MAP3K1: variants seen among roughly 807,000 people sequenced by gnomAD.
The protein encoded by MAP3K1 is MAP/ERK kinase kinase 1.
In MAP3K1, 36 loss-of-function variants were observed where a neutral mutation model predicts 144.2. The observed-to-expected ratio is 0.25, with a 90% CI of 0.19 to 0.33. The LOEUF (loss-of-function observed/expected upper bound fraction) is 0.33. Ranked by LOEUF, MAP3K1 falls within the 10% of genes least tolerant of loss-of-function variation. The probability of loss-of-function intolerance (pLI) is 1.00; values close to 1 mark genes in which losing one functional copy is unlikely to be tolerated. For missense variants in MAP3K1, 1,650 were observed against 1,881.9 expected, an observed-to-expected ratio of 0.88 and a Z score of 2.28; for synonymous variants, 718 against 688.7, an observed-to-expected ratio of 1.04 and a Z score of -0.67.
chr5:56,825,441 G>C (rs1265188355), intron 1 of MAP3K1, among the ~76,000 whole-genome samples: 2 of 152,206 alleles, frequency 1.3e-5, no homozygotes, highest in Non-Finnish European at 2.9e-5. Context: ...CATTGATACT[G>C]TGGTGCCTAA....
At chr5:56,817,222 G>GT (rs1195709246) in intron 1 of MAP3K1, 3 of 457,834 alleles carry the variant, frequency 6.6e-6, no homozygotes, top group Non-Finnish European at 8.6e-6. Flanking sequence ...TTGTTTGTTT[G>GT]TTTTTTAAAA....
intron 4 of MAP3K1, 80 bp downstream of exon 4, chr5:56,865,014 A>G: frequency 8.1e-7 from 1 of 1,238,568 alleles, no homozygotes; most frequent in South Asian, 1.3e-5. Flanking sequence ...AATGTTCTTA[A>G]ATTTAGATCA....
At chr5:56,841,507 A>G (rs1239659462) in intron 1 of MAP3K1, among the ~76,000 whole-genome samples, 1 of 152,186 alleles carries the variant, frequency 6.6e-6, no homozygotes, top group Admixed American at 6.5e-5. Context: ...ACCTTAAGAA[A>G]GGATTTTCAC....
Position 56,887,819 on chromosome 5 carries a change from A to T in MAP3K1, c.4257+299A>T, listed in dbSNP as rs556133798. The T allele has an allele frequency of 1.5e-3, 691 of 447,542 alleles. 1 individual carries two copies. The highest frequency in any genetic ancestry group is 0.012 in the Middle Eastern group (18 of 1,540). The allele number at this position is 447,542 out of a possible 1,614,324, so 27.7% of individuals were successfully genotyped here. The stretch of plus-strand genomic sequence containing the variant: ...CTCAAAGTGCACATAAGAAATTTTT[A>T]AAAATATTCTCTCTCTATTCTAAAA... On this transcript the variant is annotated intron_variant, in intron 18 of 19. Transcript: ENST00000399503.
At chr5:56,816,521 C>T (rs926519637) in intron 1 of MAP3K1, among the ~76,000 whole-genome samples, 1 of 151,964 alleles carries the variant, frequency 6.6e-6, no homozygotes, top group African/African-American at 2.4e-5. Context: ...GTGAGAAGCC[C>T]GAGGTCGGGT....
Position 56,877,520 on chromosome 5 carries a change from A to AT in MAP3K1, c.1966-1443dup, listed in dbSNP as rs35084924. Among the ~76,000 whole-genome samples the AT allele has an allele frequency of 8.0e-4, 109 of 136,444 alleles. 2 individuals carry two copies. Among genetic ancestry groups the AT allele is most frequent in the South Asian group, 4.5e-3 (19 of 4,256 alleles). 89.5% of individuals were successfully genotyped at this position (136,444 alleles called of 152,430 possible). A position where few individuals can be genotyped will look rare whatever the true frequency, so the allele number is the denominator to read the frequency against. ...TCCTCTCCCTCCCTCTGCATATATA[A>AT]TTTTTTTTTTTTTTTTTGCTGAATC... On this transcript the variant is annotated intron_variant, in intron 10 of 19. Transcript: ENST00000399503.
intron 1 of MAP3K1, among the ~76,000 whole-genome samples, chr5:56,840,588 C>A (rs566737883): frequency 6.6e-6 from 1 of 152,154 alleles, no homozygotes; most frequent in East Asian, 1.9e-4. Context: ...ATATTGTATC[C>A]CAGCTTTTCT....
rs576555781 is a variant in MAP3K1, at chr5:56,847,104, AC to A, written c.483-9494del. On this transcript the variant is annotated intron_variant, in intron 1 of 19. Coordinates refer to ENST00000399503, the MANE Select transcript of MAP3K1 (RefSeq NM_005921.2). The stretch of plus-strand genomic sequence containing the variant: ...CAGGTGTAAAGAGATGATTTAGAAA[AC>A]CTTTTTGCATTTTATCTTTTTCTTA... Among the ~76,000 whole-genome samples the A allele has an allele frequency of 5.9e-5, 9 of 152,136 alleles. No homozygotes were observed. In the South Asian group the frequency reaches 1.9e-3, roughly 32 times the overall value.
At position 56,832,196 on chromosome 5, in the gene MAP3K1, T is replaced by C. The variant is rs536203116; in HGVS notation, c.482+16141T>C. On this transcript the variant is annotated intron_variant, in intron 1 of 19. Coordinates refer to ENST00000399503, the MANE Select transcript of MAP3K1 (RefSeq NM_005921.2). Reference sequence around the variant, plus strand: ...AAATGAGATGATGAATATAAAAACCTACCCTTTCAGAAGGGTAAAAATAAA... The same window carrying C: ...AAATGAGATGATGAATATAAAAACCCACCCTTTCAGAAGGGTAAAAATAAA... Among the ~76,000 whole-genome samples, 3 of 152,354 alleles carry C rather than the reference T, an allele frequency of 2.0e-5. No individual in the cohort carries two copies. In the East Asian group the frequency reaches 5.8e-4, roughly 29 times the overall value.
chr5:56,826,181 GGTTTTGTTT>G (rs1236290238), intron 1 of MAP3K1, among the ~76,000 whole-genome samples: 1 of 151,500 alleles, frequency 6.6e-6, no homozygotes, highest in African/African-American at 2.4e-5. Flanking sequence ...TCCGTGGTGA[GGTTTTGTTT>G]GTTTTGTTTT....
chr5:56,839,509 G>A (rs771914201), intron 1 of MAP3K1, among the ~76,000 whole-genome samples: 8 of 152,214 alleles, frequency 5.3e-5, no homozygotes, highest in Non-Finnish European at 1.2e-4. Flanking sequence ...TTAACCAATG[G>A]TTAGTTGCCT....
At chr5:56,855,274 A>G (rs1237539314) in intron 1 of MAP3K1, among the ~76,000 whole-genome samples, 2 of 152,132 alleles carry the variant, frequency 1.3e-5, no homozygotes, top group Non-Finnish European at 2.9e-5. Flanking sequence ...CCAAGCACAT[A>G]TAAGTAAATT....
At chr5:56,820,016 C>G (rs1746105854) in intron 1 of MAP3K1, among the ~76,000 whole-genome samples, 1 of 152,112 alleles carries the variant, frequency 6.6e-6, no homozygotes, top group South Asian at 2.1e-4. Context: ...GTCAGATACT[C>G]TTTTCAGTTT....
chr5:56,823,755 T>A (rs1746224433), intron 1 of MAP3K1, among the ~76,000 whole-genome samples: 1 of 152,204 alleles, frequency 6.6e-6, no homozygotes, highest in Non-Finnish European at 1.5e-5. Flanking sequence ...ACGTGCCTGG[T>A]GGCTCGAGTG....
chr5:56,822,584 A>G (rs923815636), intron 1 of MAP3K1, among the ~76,000 whole-genome samples: 1 of 152,170 alleles, frequency 6.6e-6, no homozygotes, highest in Non-Finnish European at 1.5e-5. Flanking sequence ...CATTCTCTTG[A>G]ACATTGATAC....
At chr5:56,881,546 G>A in intron 13 of MAP3K1, 24 bp from the exon 14 acceptor site, 1 of 1,548,902 alleles carries the variant, frequency 6.5e-7, no homozygotes, top group Admixed American at 1.7e-5. Flanking sequence ...AACTTATATG[G>A]TAATGAATGT....
intron 1 of MAP3K1, among the ~76,000 whole-genome samples, chr5:56,819,555 G>T (rs1398677569): frequency 6.6e-6 from 1 of 152,164 alleles, no homozygotes; most frequent in Middle Eastern, 3.2e-3. Context: ...ATGGGGAATG[G>T]ATTACCATGA....
intron 1 of MAP3K1, among the ~76,000 whole-genome samples, chr5:56,821,838 T>G (rs1746161577): frequency 6.6e-6 from 1 of 152,236 alleles, no homozygotes; most frequent in Non-Finnish European, 1.5e-5. Flanking sequence ...TCTAGACTAG[T>G]GTCTGGCACC....
chr5:56,874,982 G>T (rs1184987347), intron 9 of MAP3K1, 50 bp from the exon 10 acceptor site: 1 of 1,590,740 alleles, frequency 6.3e-7, no homozygotes, highest in Non-Finnish European at 8.6e-7. Context: ...AAATGCTCTG[G>T]GTCCATAAGC....
Sources: gnomAD v4.1 joint callset for allele counts (sites outside exome capture counted in the v4.1 genomes callset) on GRCh38, gnomAD v4.1.1 for gene constraint, MANE v1.5 for transcripts, NCBI Gene and HGNC (gene_info 2026-07-23, HGNC 2026-07-21) for gene names.